CCDC187: variants seen among roughly 807,000 people sequenced by gnomAD.
CCDC187 encodes the protein coiled-coil domain containing 187.
In CCDC187, 32 loss-of-function variants were observed where a neutral mutation model predicts 38.0. The observed-to-expected ratio is 0.84, with a 90% CI of 0.64 to 1.13. CCDC187 has a LOEUF of 1.13. Ranked by LOEUF, CCDC187 falls within the 50% of genes most tolerant of loss-of-function variation. CCDC187 has a pLI of 0.00. For synonymous variants in CCDC187, 333 were observed against 347.9 expected (o/e 0.96, Z 0.48); for missense variants, 707 against 786.8 (o/e 0.90, Z 1.21).
At chr9:136,297,166 G>A (rs917784395) in intron 4 of CCDC187, among the ~76,000 whole-genome samples, 54 of 152,126 alleles carry the variant, frequency 3.5e-4, no homozygotes, top group Admixed American at 1.2e-3. Flanking sequence ...TGCAGGTGGC[G>A]TGAGCTGTGG....
At chr9:136,289,298 A>G (rs2131297806) in intron 7 of CCDC187, among the ~76,000 whole-genome samples, 1 of 152,182 alleles carries the variant, frequency 6.6e-6, no homozygotes, top group African/African-American at 2.4e-5. Context: ...CAGGTGGATC[A>G]CCTGAGGTTG....
At chr9:136,263,967 C>G (rs1265961428) in intron 17 of CCDC187, 169 bp from the exon 18 acceptor site, 3 of 314,606 alleles carry the variant, frequency 9.5e-6, no homozygotes, top group African/African-American at 4.5e-5. Flanking sequence ...TAGGATACCC[C>G]CATGGCCTTG....
intron 4 of CCDC187, among the ~76,000 whole-genome samples, chr9:136,292,794 T>C (rs1299920050): frequency 1.3e-5 from 2 of 152,182 alleles, no homozygotes; most frequent in Non-Finnish European, 2.9e-5. Flanking sequence ...GAGATTAACC[T>C]GCTTTTAAGC....
intron 6 of CCDC187, 60 bp downstream of exon 6, chr9:136,290,426 G>C (rs1380645721): frequency 2.5e-6 from 1 of 398,352 alleles, no homozygotes; most frequent in Non-Finnish European, 4.4e-6. Context: ...CAGCACCTGA[G>C]CGCCTAAGCC....
chr9:136,294,114 ACACT>A (rs1202232412), intron 4 of CCDC187, among the ~76,000 whole-genome samples: 37 of 79,724 alleles, frequency 4.6e-4, no homozygotes, highest in African/African-American at 1.6e-3. Flanking sequence ...TCACACTCAC[ACACT>A]CTCACACTCA....
At chr9:136,279,496 G>A (rs1830998364) in intron 10 of CCDC187, among the ~76,000 whole-genome samples, 1 of 152,242 alleles carries the variant, frequency 6.6e-6, no homozygotes. Context: ...CCCCTTCCAA[G>A]GAGGAGGCAG....
Position 136,257,291 on chromosome 9 carries a change from T to C in CCDC187, c.4367-450A>G, listed in dbSNP as rs1830624047. ...AGGAGGCTGAGGCAAAAGAATTGCT[T>C]GAACCCGGGAGGCGGAGGTTGCAGT... On this transcript the variant is annotated intron_variant, in intron 22 of 25. Coordinates refer to ENST00000638797, the MANE Select transcript of CCDC187 (RefSeq NM_001378188.1). This position sits in a 1 kb window ranked among gnomAD's most constrained non-coding sequence, Gnocchi z 4.5. Among the ~76,000 whole-genome samples, 1 of 152,086 alleles carries C rather than the reference T, an allele frequency of 6.6e-6. No homozygotes were observed. Among genetic ancestry groups the C allele is most frequent in the African/African-American group, 2.4e-5 (1 of 41,378 alleles).
chr9:136,293,949 CAT>C (rs1297337706), intron 4 of CCDC187, among the ~76,000 whole-genome samples: 9 of 149,968 alleles, frequency 6.0e-5, no homozygotes, highest in South Asian at 2.1e-4. Flanking sequence ...CCCACACACA[CAT>C]GCTCATATAC....
At chr9:136,302,484 C>A (rs1831709644) in intron 2 of CCDC187, among the ~76,000 whole-genome samples, 2 of 152,134 alleles carry the variant, frequency 1.3e-5, no homozygotes, top group South Asian at 4.1e-4. Context: ...CAAATCTGAC[C>A]ATGCAGCCCC....
rs1182859230 is a variant in CCDC187, at chr9:136,252,069, A to C, written c.*1525T>G. The C allele has an allele frequency of 1.7e-5, 2 of 118,344 alleles. No homozygotes were observed. Among genetic ancestry groups the C allele is most frequent in the Admixed American group, 1.7e-4 (2 of 11,832 alleles). The allele number at this position is 118,344 out of a possible 1,614,324, so 7.3% of individuals were successfully genotyped here. The stretch of plus-strand genomic sequence containing the variant: ...GAAGGTCCAGGCAACCATCCCGCAC[A>C]GCCGGCCGCCCACCCCGTCCACCAG... On this transcript the variant is annotated 3_prime_UTR_variant, in exon 26 of 26. Transcript: ENST00000638797.
At chr9:136,272,951 T>A (rs1221128109) in intron 14 of CCDC187, among the ~76,000 whole-genome samples, 1 of 152,216 alleles carries the variant, frequency 6.6e-6, no homozygotes, top group Non-Finnish European at 1.5e-5. Flanking sequence ...ATTGGCCTTG[T>A]ACTATAAGTG....
intron 6 of CCDC187, 52 bp downstream of exon 6, chr9:136,290,434 G>A: frequency 1.0e-5 from 4 of 398,592 alleles, no homozygotes; most frequent in Non-Finnish European, 1.8e-5. Context: ...GAGCGCCTAA[G>A]CCTCTGGCCC....
intron 12 of CCDC187, among the ~76,000 whole-genome samples, chr9:136,275,727 G>A (rs1368699826): frequency 2.0e-5 from 3 of 152,210 alleles, no homozygotes; most frequent in Non-Finnish European, 2.9e-5. Flanking sequence ...GAGCCACCCC[G>A]GGCAGTGGGA....
Position 136,263,672 on chromosome 9 carries a change from T to C in CCDC187, c.3862A>G (p.Thr1288Ala). ...AGCTCGTGCGCTGGGACGACGTCCG[T>C]GGGCCCCGGGATGGGGAGGATGTCC... The part of the protein sequence containing the change: ...PVDILPIPGP[T>A]DVVPAHELQA... Residue 1288 changes from threonine to alanine, a missense_variant, in exon 18 of 26, where the codon ACG (threonine) becomes GCG (alanine). Thr to Ala is a moderately conservative substitution (Grantham distance 58). Transcript: ENST00000638797. 1.0e-6 allele frequency: 1 copy of C among 985,456 alleles called. No individual in the cohort carries two copies. Among genetic ancestry groups the C allele is most frequent in the South Asian group, 4.7e-5 (1 of 21,290 alleles). The allele number at this position is 985,456 out of a possible 1,614,324, so 61.0% of individuals were successfully genotyped here.
At chr9:136,269,189 TC>T (rs2131179409) in intron 14 of CCDC187, among the ~76,000 whole-genome samples, 1 of 152,312 alleles carries the variant, frequency 6.6e-6, no homozygotes, top group East Asian at 1.9e-4. Context: ...ACCTTAGGAC[TC>T]CCAGGTCACT....
rs1831738645 is a variant in CCDC187, at chr9:136,303,410, A to AGGAGGGCCT, written c.144-126_144-118dup. 8.1e-6 allele frequency: 3 copies of AGGAGGGCCT among 372,300 alleles called. No individual in the cohort carries two copies. The South Asian group carries it at 4.4e-4, about 55-fold the overall frequency. The allele number at this position is 372,300 out of a possible 1,614,324, so 23.1% of individuals were successfully genotyped here. ...CCTGCTCCACAGACTGGAGGTGGAAAGGAGGGCCTGGAATACACCCCACCT... is the reference window on the plus strand; with the variant it reads ...CCTGCTCCACAGACTGGAGGTGGAAAGGAGGGCCTGGAGGGCCTGGAATACACCCCACCT... On this transcript the variant is annotated intron_variant, in intron 1 of 25. Coordinates refer to ENST00000638797, the MANE Select transcript of CCDC187 (RefSeq NM_001378188.1).
At chr9:136,295,408 T>C (rs1831512110) in intron 4 of CCDC187, among the ~76,000 whole-genome samples, 2 of 152,334 alleles carry the variant, frequency 1.3e-5, no homozygotes, top group South Asian at 4.1e-4. Flanking sequence ...TGGCAATTAA[T>C]TTTTTTACGA....
chr9:136,301,250 C>T (rs969301291), intron 2 of CCDC187, among the ~76,000 whole-genome samples: 21 of 152,174 alleles, frequency 1.4e-4, no homozygotes, highest in Admixed American at 5.9e-4. Context: ...ATTTTTATTC[C>T]ATTTTATTCA....
At chr9:136,297,842 G>A (rs1436393937) in intron 3 of CCDC187, 21 bp from the exon 4 acceptor site, 1 of 225,914 alleles carries the variant, frequency 4.4e-6, no homozygotes, top group East Asian at 7.8e-5. Context: ...GAAGAGAAAG[G>A]AAGGGAGGGA....
Sources: allele counts gnomAD v4.1 joint callset (sites outside exome capture counted in the v4.1 genomes callset), GRCh38; gene constraint gnomAD v4.1.1; non-coding constraint Gnocchi (gnomAD v3.1); transcripts MANE v1.5; gene names NCBI Gene and HGNC (gene_info 2026-07-23, HGNC 2026-07-21).